RARB: variants seen among roughly 807,000 people sequenced by gnomAD.
RARB encodes the protein retinoic acid receptor beta, also known as HBV-activated protein.
Under a neutral mutation model 51.9 loss-of-function variants are expected in RARB, and 17 were observed. The ratio of observed to expected loss-of-function variants is 0.33; its 90% CI spans 0.22 to 0.49. The LOEUF is 0.49. Ranked by LOEUF, RARB falls within the 20% of genes least tolerant of loss-of-function variation. The pLI, the probability that RARB is intolerant of heterozygous loss-of-function variation, is 0.99. For synonymous variants in RARB, 215 were observed against 195.4 expected, an observed-to-expected ratio of 1.10 and a Z score of -0.84; for missense variants, 369 against 550.8, an observed-to-expected ratio of 0.67 and a Z score of 3.30.
At chr3:24,870,957 G>T (rs925277212) in intron 2 of RARB, among the ~76,000 whole-genome samples, 2 of 151,754 alleles carry the variant, frequency 1.3e-5, no homozygotes, top group Non-Finnish European at 2.9e-5. Context: ...TAACCCTGTT[G>T]TGCTTTTAAA....
intron 1 of RARB, among the ~76,000 whole-genome samples, chr3:25,449,544 G>A (rs965951225): frequency 1.3e-5 from 2 of 152,092 alleles, no homozygotes; most frequent in African/African-American, 4.8e-5. Context: ...CAGGAGTTCT[G>A]CACAGTCCTA....
At chr3:25,478,530 C>T (rs1299514526) in intron 2 of RARB, among the ~76,000 whole-genome samples, 2 of 152,184 alleles carry the variant, frequency 1.3e-5, no homozygotes, top group East Asian at 1.9e-4. Flanking sequence ...ACCCATCTTG[C>T]CCTACTTCAG....
intron 5 of RARB, among the ~76,000 whole-genome samples, chr3:25,243,036 T>G (rs748983275): frequency 6.6e-6 from 1 of 152,138 alleles, no homozygotes; most frequent in African/African-American, 2.4e-5. Context: ...CCCCTGTAAG[T>G]TGTATTTCTA....
chr3:24,918,546 G>A (rs1352239821), intron 2 of RARB, among the ~76,000 whole-genome samples: 1 of 152,154 alleles, frequency 6.6e-6, no homozygotes, highest in Non-Finnish European at 1.5e-5. Flanking sequence ...TGAATGTTAT[G>A]GTATGTTAAT....
chr3:25,515,483 G>T (rs1698116819), intron 3 of RARB, among the ~76,000 whole-genome samples: 1 of 152,120 alleles, frequency 6.6e-6, no homozygotes, highest in Non-Finnish European at 1.5e-5. Flanking sequence ...GTTCACAGCA[G>T]ATTTATTGAT....
At chr3:25,326,843 TTTA>T (rs1704730889) in intron 5 of RARB, among the ~76,000 whole-genome samples, 4 of 152,160 alleles carry the variant, frequency 2.6e-5, no homozygotes, top group East Asian at 1.9e-4. Flanking sequence ...TTTTTTTAAT[TTTA>T]TTATTATTAT....
chr3:25,386,955 T>C (rs568624341), intron 5 of RARB, among the ~76,000 whole-genome samples: 1 of 152,358 alleles, frequency 6.6e-6, no homozygotes, highest in East Asian at 1.9e-4. Context: ...CCTGCAAATG[T>C]GGCTTCATCT....
chr3:25,380,675 C>A (rs185208381), intron 5 of RARB, among the ~76,000 whole-genome samples: 1 of 152,128 alleles, frequency 6.6e-6, no homozygotes, highest in African/African-American at 2.4e-5. Flanking sequence ...TAAAAGATTG[C>A]GAAATATTCT....
rs531391635 is a variant in RARB at position 24,939,251 on chromosome 3, C to T, written c.-380+80499C>T. Among the ~76,000 whole-genome samples the T allele has an allele frequency of 2.3e-4, 35 of 152,282 alleles. No homozygotes were observed. In the South Asian group the frequency reaches 7.3e-3, roughly 32 times the overall value. ...TGAATGGGTGTTTAATTTGTTTCCACATTTTGTGAACAATGCTTCCGTGAA... is the reference window on the plus strand; with the variant it reads ...TGAATGGGTGTTTAATTTGTTTCCATATTTTGTGAACAATGCTTCCGTGAA... On this transcript the variant is annotated intron_variant, in intron 2 of 11. Coordinates refer to the RARB transcript ENST00000383772.
intron 5 of RARB, among the ~76,000 whole-genome samples, chr3:25,358,410 A>G (rs147168899): frequency 2.0e-3 from 301 of 152,298 alleles, no homozygotes; most frequent in African/African-American, 5.8e-3. Flanking sequence ...TAAATATACA[A>G]TCTTGTCATC....
At chr3:24,958,259 T>G (rs1331934186) in intron 2 of RARB, among the ~76,000 whole-genome samples, 33 of 75,104 alleles carry the variant, frequency 4.4e-4, no homozygotes, top group African/African-American at 2.3e-3. Flanking sequence ...GCTCAGGTTT[T>G]TTTTTTTTTT....
intron 2 of RARB, among the ~76,000 whole-genome samples, chr3:25,040,094 G>C (rs1698082336): frequency 6.6e-6 from 1 of 152,154 alleles, no homozygotes; most frequent in South Asian, 2.1e-4. Flanking sequence ...TGGGTTGCAT[G>C]TACATTTTTA....
chr3:25,249,508 T>G (rs1313883403), intron 5 of RARB, among the ~76,000 whole-genome samples: 1 of 152,142 alleles, frequency 6.6e-6, no homozygotes, highest in Non-Finnish European at 1.5e-5. Context: ...CTGCTTTTTT[T>G]GTTTCTTGTG....
At chr3:25,518,916 C>T (rs1698288315) in intron 3 of RARB, among the ~76,000 whole-genome samples, 1 of 152,114 alleles carries the variant, frequency 6.6e-6, no homozygotes, top group South Asian at 2.1e-4. Context: ...GGGGAGCTTT[C>T]TGGGGTTGGA....
At chr3:25,082,767 T>G (rs1427886388) in intron 3 of RARB, among the ~76,000 whole-genome samples, 1 of 152,104 alleles carries the variant, frequency 6.6e-6, no homozygotes, top group Non-Finnish European at 1.5e-5. Flanking sequence ...GTATTTTACT[T>G]CAAGCTGAAG....
chr3:25,489,908 A>C (rs1323115512), intron 2 of RARB, among the ~76,000 whole-genome samples: 1 of 152,268 alleles, frequency 6.6e-6, no homozygotes, highest in Non-Finnish European at 1.5e-5. Flanking sequence ...TACTCTTAGC[A>C]TTATCAGGCG....
chr3:25,049,325 A>G (rs1698280074), intron 2 of RARB, among the ~76,000 whole-genome samples: 1 of 152,230 alleles, frequency 6.6e-6, no homozygotes, highest in Non-Finnish European at 1.5e-5. Context: ...TACAGACTCT[A>G]GCATTCACGT....
Position 25,320,748 on chromosome 3 carries a change from G to T in RARB, c.179-140445G>T, listed in dbSNP as rs566043067. On this transcript the variant is annotated intron_variant, in intron 5 of 11. Transcript: ENST00000383772. Reference sequence around the variant, plus strand: ...GCTAAAGGAGCTTTTTGTGAAACCTGGGGTTTACTTTTGTTTGTTTGTTTT... The same window carrying T: ...GCTAAAGGAGCTTTTTGTGAAACCTTGGGTTTACTTTTGTTTGTTTGTTTT... 3.7e-4 allele frequency among the ~76,000 whole-genome samples: 56 copies of T among 152,232 alleles called. 2 individuals are homozygous for T. In the South Asian group the frequency reaches 0.011, roughly 31 times the overall value.
rs1038456177 is a variant in RARB, at chr3:25,345,522, G to A, written c.179-115671G>A. Among the ~76,000 whole-genome samples, 8 of 151,886 alleles carry A rather than the reference G, an allele frequency of 5.3e-5. 1 individual carries two copies. The highest frequency in any genetic ancestry group is 3.9e-4 in the East Asian group (2 of 5,146). On this transcript the variant is annotated intron_variant, in intron 5 of 11. Transcript: ENST00000383772. ...TCTACTAAAAATACAAAAATTAGCC[G>A]GGTGTGGTGGTGCATGCCTGTAGTC...
Sources: allele counts gnomAD v4.1 joint callset (sites outside exome capture counted in the v4.1 genomes callset), GRCh38; gene constraint gnomAD v4.1.1; transcripts MANE v1.5; gene names NCBI Gene and HGNC (gene_info 2026-07-23, HGNC 2026-07-21).